Variants in HPSE2 observed in about 807,000 individuals in gnomAD.
HPSE2 encodes inactive heparanase-2.
Under a neutral mutation model 60.5 loss-of-function variants are expected in HPSE2, and 38 were observed. The ratio of observed to expected loss-of-function variants is 0.63; its 90% CI spans 0.48 to 0.82. The LOEUF (loss-of-function observed/expected upper bound fraction) is 0.82, where lower values mean the gene tolerates loss of function less well. Ranked by LOEUF, HPSE2 falls within the 40% of genes least tolerant of loss-of-function variation. The pLI is 0.00. For missense variants in HPSE2, 713 were observed against 740.4 expected, an observed-to-expected ratio of 0.96 and a Z score of 0.43; for synonymous variants, 295 against 293.2, an observed-to-expected ratio of 1.01 and a Z score of -0.06.
chr10:99,258,961 T>A, the HPSE2 span, among the ~76,000 whole-genome samples: 1 of 152,144 alleles, frequency 6.6e-6, no homozygotes, highest in African/African-American at 2.4e-5. Context: ...GAATATTCTC[T>A]TAGATGCAAC....
chr10:98,842,868 C>T (rs181132137), intron 3 of HPSE2, among the ~76,000 whole-genome samples: 51 of 152,292 alleles, frequency 3.3e-4, no homozygotes, highest in African/African-American at 1.2e-3. Flanking sequence ...CACTCCCTCC[C>T]ACCCTAACCC....
At chr10:99,094,496 T>C (rs866448245) in intron 3 of HPSE2, among the ~76,000 whole-genome samples, 35 of 140,650 alleles carry the variant, frequency 2.5e-4, no homozygotes, top group African/African-American at 6.7e-4. Context: ...ATTTCAGTTA[T>C]TCTCTCTTTT....
chr10:99,255,128 T>G, the HPSE2 span, among the ~76,000 whole-genome samples: 1 of 152,186 alleles, frequency 6.6e-6, no homozygotes, highest in Non-Finnish European at 1.5e-5. Context: ...TCAGCCTAGT[T>G]GAACACATTG....
intron 3 of HPSE2, among the ~76,000 whole-genome samples, chr10:98,824,900 G>T (rs1951507007): frequency 6.6e-6 from 1 of 152,148 alleles, no homozygotes; most frequent in South Asian, 2.1e-4. Flanking sequence ...TTCCTCAGTA[G>T]CCTGTATGTT....
chr10:98,883,219 CT>C (rs1259948674), intron 3 of HPSE2, among the ~76,000 whole-genome samples: 1 of 151,846 alleles, frequency 6.6e-6, no homozygotes, highest in African/African-American at 2.4e-5. Context: ...TAAAAAAAAA[CT>C]TTTTTAACAG....
At chr10:98,733,029 A>G (rs897716421) in intron 4 of HPSE2, among the ~76,000 whole-genome samples, 2 of 152,236 alleles carry the variant, frequency 1.3e-5, no homozygotes, top group Admixed American at 6.5e-5. Context: ...AACATTAGTC[A>G]CTAGGGAAGA....
chr10:98,702,514 C>T (rs2134196575), intron 5 of HPSE2, among the ~76,000 whole-genome samples: 1 of 152,186 alleles, frequency 6.6e-6, no homozygotes, highest in South Asian at 2.1e-4. Context: ...GGCACTTATT[C>T]TAAAATCAAC....
At chr10:99,136,573 A>G (rs989465072) in intron 3 of HPSE2, among the ~76,000 whole-genome samples, 1 of 152,208 alleles carries the variant, frequency 6.6e-6, no homozygotes, top group Non-Finnish European at 1.5e-5. Flanking sequence ...CTGGGATGCA[A>G]GGCTGGTTCA....
chr10:98,930,558 C>T (rs1954615062), intron 3 of HPSE2, among the ~76,000 whole-genome samples: 1 of 144,282 alleles, frequency 6.9e-6, no homozygotes, highest in African/African-American at 2.8e-5. Flanking sequence ...GAGGAGTTAC[C>T]ACACTGTCTT....
chr10:98,964,179 C>T (rs1955755610), intron 3 of HPSE2, among the ~76,000 whole-genome samples: 1 of 152,106 alleles, frequency 6.6e-6, no homozygotes. Flanking sequence ...CAACTGCCCA[C>T]CCTTTCCTAA....
chr10:98,548,039 G>C (rs1302626616), intron 9 of HPSE2, among the ~76,000 whole-genome samples: 1 of 152,240 alleles, frequency 6.6e-6, no homozygotes, highest in Non-Finnish European at 1.5e-5. Context: ...TGGAAATACA[G>C]ATATGGACAA....
upstream of HPSE2, among the ~76,000 whole-genome samples, chr10:99,238,590 C>T (rs553932997): frequency 1.3e-5 from 2 of 152,238 alleles, no homozygotes; most frequent in African/African-American, 2.4e-5. Flanking sequence ...GGTTAGCCCT[C>T]GTTGGTCTCT....
the HPSE2 span, among the ~76,000 whole-genome samples, chr10:99,293,269 C>T: frequency 6.6e-6 from 1 of 152,048 alleles, no homozygotes; most frequent in Non-Finnish European, 1.5e-5. Flanking sequence ...AAAGTAGTGC[C>T]TGATCATATA....
intron 3 of HPSE2, among the ~76,000 whole-genome samples, chr10:99,136,954 T>C (rs189752842): frequency 6.6e-5 from 10 of 152,272 alleles, no homozygotes; most frequent in East Asian, 1.9e-4. Flanking sequence ...TCAAATTGTC[T>C]CTGTTTGCAG....
intron 6 of HPSE2, among the ~76,000 whole-genome samples, chr10:98,666,999 A>G (rs1254476875): frequency 2.0e-5 from 3 of 150,674 alleles, no homozygotes; most frequent in African/African-American, 7.4e-5. Context: ...TCTTCAAAGG[A>G]ATAAAAAAGA....
chr10:99,072,656 C>T (rs548074819), intron 3 of HPSE2, among the ~76,000 whole-genome samples: 7 of 152,176 alleles, frequency 4.6e-5, no homozygotes, highest in South Asian at 4.1e-4. Flanking sequence ...CCGGGCATGG[C>T]GGCTCATGCC....
chr10:98,678,748 G>A (rs990006206), intron 6 of HPSE2, among the ~76,000 whole-genome samples: 3 of 151,904 alleles, frequency 2.0e-5, no homozygotes, highest in Admixed American at 6.6e-5. Flanking sequence ...TGGCTAACTC[G>A]ATAAATATTA....
intron 3 of HPSE2, among the ~76,000 whole-genome samples, chr10:98,879,078 G>A (rs1220799660): frequency 6.6e-6 from 1 of 151,998 alleles, no homozygotes; most frequent in Non-Finnish European, 1.5e-5. Context: ...ATCCAACTTT[G>A]ATAACATTAC....
chr10:99,008,289 C>T (rs1956936166), intron 3 of HPSE2, among the ~76,000 whole-genome samples: 1 of 152,142 alleles, frequency 6.6e-6, no homozygotes, highest in African/African-American at 2.4e-5. Flanking sequence ...AGGATAAAGC[C>T]TTCTGGTTTT....
Sources: allele counts gnomAD v4.1 joint callset (sites outside exome capture counted in the v4.1 genomes callset), GRCh38; gene constraint gnomAD v4.1.1; transcripts MANE v1.5; gene names NCBI Gene and HGNC (gene_info 2026-07-23, HGNC 2026-07-21).